GOLGA5: variants seen among roughly 807,000 people sequenced by gnomAD.
GOLGA5 encodes golgin subfamily A member 5.
In GOLGA5, 50 loss-of-function variants were observed where a neutral mutation model predicts 93.5. The observed-to-expected ratio is 0.53, with a 90% CI of 0.43 to 0.68. The LOEUF is 0.68. Among genes scored for constraint, GOLGA5 ranks in the 30% least tolerant of loss-of-function variants. The pLI, the probability that GOLGA5 is intolerant of heterozygous loss-of-function variation, is 0.00. For synonymous variants in GOLGA5, 312 were observed against 304.5 expected (o/e 1.02, Z -0.26); for missense variants, 760 against 856.4 (o/e 0.89, Z 1.40).
At chr14:92,820,419 T>C (rs1885293278) in intron 8 of GOLGA5, among the ~76,000 whole-genome samples, 1 of 152,228 alleles carries the variant, frequency 6.6e-6, no homozygotes, top group Admixed American at 6.5e-5. Context: ...TTTTCTCCTA[T>C]CTCAGAATAG....
In GOLGA5 at chr14:92,833,184, A is replaced by G; in HGVS notation, c.1782A>G (p.Leu594=). ...QSELENRLHQ[L]TETLIQKQTM... is the part of the protein sequence containing the mutation. ...AGTTAGAAAATCGACTCCATCAGCT[A>G]ACAGAGACTCTCATCCAGAAACAGA... Residue 594 remains leucine (L), a synonymous_variant, in exon 10 of 13, where the codon CTA becomes CTG. Transcript: ENST00000163416. 1 of 1,613,456 alleles carries G rather than the reference A, an allele frequency of 6.2e-7. No homozygotes were observed.
intron 10 of GOLGA5, 111 bp from the exon 11 acceptor site, chr14:92,835,448 A>G: frequency 1.6e-6 from 1 of 615,428 alleles, no homozygotes; most frequent in Non-Finnish European, 2.8e-6. Context: ...GGTGATGCTT[A>G]GAAAGTTGCC....
At chr14:92,802,756 T>C (rs1209951349) in intron 2 of GOLGA5, among the ~76,000 whole-genome samples, 1 of 151,432 alleles carries the variant, frequency 6.6e-6, no homozygotes, top group African/African-American at 2.4e-5. Context: ...AATCAATTTA[T>C]TTATTTATTT....
At chr14:92,799,176 T>C (rs922668336) in intron 2 of GOLGA5, among the ~76,000 whole-genome samples, 2 of 152,130 alleles carry the variant, frequency 1.3e-5, no homozygotes, top group East Asian at 3.9e-4. Context: ...TCTCACTGTG[T>C]TGCTCTGGCT....
chr14:92,809,567 C>G (rs1006582230), intron 4 of GOLGA5, 48 bp downstream of exon 4: 1 of 1,121,452 alleles, frequency 8.9e-7, no homozygotes, highest in African/African-American at 1.5e-5. Context: ...TAATGGTAAA[C>G]ATTGTAGTGT....
At chr14:92,804,449 C>T (rs1884938420) in intron 2 of GOLGA5, among the ~76,000 whole-genome samples, 1 of 151,962 alleles carries the variant, frequency 6.6e-6, no homozygotes, top group Admixed American at 6.6e-5. Flanking sequence ...TATCCAACTA[C>T]AGTAATCACT....
chr14:92,804,785 AG>A (rs1884948478), intron 2 of GOLGA5, among the ~76,000 whole-genome samples: 1 of 148,954 alleles, frequency 6.7e-6, no homozygotes, highest in African/African-American at 2.5e-5. Flanking sequence ...CCTCCGAAGT[AG>A]CTGAGATTAC....
In GOLGA5 at chr14:92,797,930, G is replaced by A; in HGVS notation, c.493G>A (p.Val165Ile). Residue 165 changes from valine to isoleucine, a missense_variant, in exon 2 of 13, where the codon GTA becomes ATA. Transcript: ENST00000163416. ...AAGTGTCAGTTCTGTGAACCCCAGT[G>A]TAACCACCATCAAAACCATTGAAGA... ...TSSVSSVNPS[V>I]TTIKTIEENS... is the part of the protein sequence containing the mutation. 6.2e-7 allele frequency: 1 copy of A among 1,604,932 alleles called. No individual in the cohort carries two copies. The highest frequency in any genetic ancestry group is 1.7e-5 in the Admixed American group (1 of 57,154).
chr14:92,837,261 G>T (rs1181037323), intron 11 of GOLGA5, 125 bp from the exon 12 acceptor site: 5 of 544,968 alleles, frequency 9.2e-6, no homozygotes, highest in South Asian at 3.0e-5. Context: ...TTGTTCTTCT[G>T]TGGTAGCCAC....
intron 2 of GOLGA5, among the ~76,000 whole-genome samples, chr14:92,798,295 G>A (rs954079313): frequency 1.3e-5 from 2 of 152,202 alleles, no homozygotes; most frequent in African/African-American, 4.8e-5. Flanking sequence ...AAGAAAACAT[G>A]TCAGTTTGGA....
chr14:92,839,171 T>A (rs1885708430), intron 12 of GOLGA5, among the ~76,000 whole-genome samples, 195 bp from the exon 13 acceptor site: 1 of 152,242 alleles, frequency 6.6e-6, no homozygotes, highest in Admixed American at 6.5e-5. Flanking sequence ...TCCTCTCAAC[T>A]GAATTCTGTA....
Position 92,810,371 on chromosome 14 carries a change from G to T in GOLGA5, c.1110G>T (p.Gln370His). ...AGAGAGAGCAGGAGAGCTATAAACA[G>T]ATGCAGGTTAGAATGAGAGACAGCA... ...TLKREQESYK[Q>H]MQSEFAARLN... Residue 370 changes from glutamine (Q) to histidine (H), a missense_variant, in exon 5 of 13, where the codon CAG (glutamine) becomes CAT (histidine). Transcript: ENST00000163416. The T allele has an allele frequency of 6.4e-7, 1 of 1,573,418 alleles. No individual in the cohort carries two copies. The highest frequency in any genetic ancestry group is 8.6e-7 in the Non-Finnish European group (1 of 1,164,124).
At chr14:92,807,686 A>G (rs755831979) in intron 3 of GOLGA5, among the ~76,000 whole-genome samples, 3 of 152,174 alleles carry the variant, frequency 2.0e-5, no homozygotes, top group Non-Finnish European at 2.9e-5. Context: ...GCCCTTGGGA[A>G]TTGTGCAGTG....
At chr14:92,822,080 T>G (rs934950781) in intron 8 of GOLGA5, among the ~76,000 whole-genome samples, 1 of 152,246 alleles carries the variant, frequency 6.6e-6, no homozygotes, top group African/African-American at 2.4e-5. Flanking sequence ...TGAAGAGTCC[T>G]TTAGTGCTTC....
chr14:92,809,667 T>C, intron 4 of GOLGA5, 148 bp downstream of exon 4: 2 of 641,784 alleles, frequency 3.1e-6, no homozygotes, highest in African/African-American at 1.8e-5. Flanking sequence ...TAAAATGGAT[T>C]CATTGGCTGG....
At chr14:92,803,603 T>TA (rs936011437) in intron 2 of GOLGA5, among the ~76,000 whole-genome samples, 1 of 152,248 alleles carries the variant, frequency 6.6e-6, no homozygotes, top group Non-Finnish European at 1.5e-5. Context: ...TTTGGTAAGT[T>TA]ACGTTTTTTT....
At chr14:92,805,042 C>G (rs530914210) in intron 2 of GOLGA5, among the ~76,000 whole-genome samples, 1 of 152,232 alleles carries the variant, frequency 6.6e-6, no homozygotes, top group East Asian at 1.9e-4. Context: ...GTAAAATGTA[C>G]ATATATTAAG....
chr14:92,812,559 G>A lies in GOLGA5; in HGVS notation c.1320+805G>A, dbSNP rs577221553. On this transcript the variant is annotated intron_variant, in intron 6 of 12. Coordinates refer to ENST00000163416, the MANE Select transcript of GOLGA5 (RefSeq NM_005113.4). ...TGCTGTCTTCATTTCTGTAGAACTT[G>A]TTAACTCTTATCTCCTTCTTTTCCT... is the stretch of plus-strand genomic sequence containing the variant. 1.1e-4 allele frequency among the ~76,000 whole-genome samples: 17 copies of A among 152,256 alleles called. No individual in the cohort carries two copies. In the South Asian group the frequency reaches 3.5e-3, roughly 32 times the overall value.
chr14:92,801,462 AC>A (rs778797206), intron 2 of GOLGA5, among the ~76,000 whole-genome samples: 3 of 152,150 alleles, frequency 2.0e-5, no homozygotes, highest in Admixed American at 6.6e-5. Flanking sequence ...TTTTTTATCA[AC>A]TTTTTTCTGT....
Sources: allele counts gnomAD v4.1 joint callset (sites outside exome capture counted in the v4.1 genomes callset), GRCh38; gene constraint gnomAD v4.1.1; transcripts MANE v1.5; gene names NCBI Gene and HGNC (gene_info 2026-07-23, HGNC 2026-07-21).